Variants in ENOSF1 observed in about 807,000 individuals in gnomAD.
ENOSF1 encodes enolase superfamily member 1.
Under a neutral mutation model 68.2 loss-of-function variants are expected in ENOSF1, and 73 were observed. The observed-to-expected ratio is 1.07, with a 90% CI of 0.89 to 1.30. The LOEUF (loss-of-function observed/expected upper bound fraction) is 1.30. Among genes scored for constraint, ENOSF1 ranks in the 50% most tolerant of loss-of-function variants. The pLI, the probability that ENOSF1 is intolerant of heterozygous loss-of-function variation, is 0.00. For missense variants in ENOSF1, 589 were observed against 554.5 expected, an observed-to-expected ratio of 1.06 and a Z score of -0.62; for synonymous variants, 223 against 210.4, an observed-to-expected ratio of 1.06 and a Z score of -0.52.
At chr18:678,608 A>T in intron 12 of ENOSF1, 88 bp downstream of exon 12, 1 of 1,304,446 alleles carries the variant, frequency 7.7e-7, no homozygotes, top group Non-Finnish European at 1.1e-6. Context: ...CAGGTGATGG[A>T]GCCTAACACA....
intron 2 of ENOSF1, among the ~76,000 whole-genome samples, chr18:701,291 C>T (rs1018711288): frequency 1.3e-5 from 2 of 152,108 alleles, no homozygotes; most frequent in African/African-American, 2.4e-5. Flanking sequence ...TTTGGGTGAT[C>T]ATGATGTGCC....
intron 1 of ENOSF1, 140 bp from the exon 2 acceptor site, chr18:706,718 C>A: frequency 5.1e-6 from 3 of 589,756 alleles, no homozygotes; most frequent in Non-Finnish European, 9.1e-6. Context: ...TGTTGCTATA[C>A]CCCAAAGAAA....
At chr18:666,901 G>GGT (rs1169613721), downstream of ENOSF1, among the ~76,000 whole-genome samples, 7 of 40,788 alleles carry the variant, frequency 1.7e-4, no homozygotes, top group Admixed American at 2.2e-4. Context: ...AGATGGTGAT[G>GGT]GAGATGGTGA....
In ENOSF1 at chr18:694,314, C is replaced by T; in HGVS notation, c.330G>A (p.Val110=). 1 of 1,614,148 alleles carries T rather than the reference C, an allele frequency of 6.2e-7. No homozygotes were observed. The change falls in exon 4 of 16, where the codon GTG becomes GTA. Residue 110 remains valine (V), a synonymous_variant. Transcript: ENST00000647584. Reference sequence around the variant, plus strand: ...GGACGGCCGCTGTCGCCAGGTGCACCACGCCCTTTTCTGGACCAATCTGGT... The same window carrying T: ...GGACGGCCGCTGTCGCCAGGTGCACTACGCCCTTTTCTGGACCAATCTGGT... ...QLRWIGPEKG[V]VHLATAAVLN... is the part of the protein sequence containing the mutation.
intron 5 of ENOSF1, chr18:693,555 G>A: frequency 1.0e-6 from 1 of 985,352 alleles, no homozygotes; most frequent in South Asian, 4.7e-5. Flanking sequence ...TTAATTTTGT[G>A]AGGTTCCTAG....
downstream of ENOSF1, chr18:668,965 C>T (rs1213940383): frequency 3.3e-6 from 3 of 901,046 alleles, no homozygotes; most frequent in Non-Finnish European, 3.4e-6. Flanking sequence ...AGCCATGGGT[C>T]AAGGGGGGAC....
Position 671,456 on chromosome 18 carries a change from G to T in ENOSF1, c.*2849C>A. ...ATCGAGCCACTGAAAATTCAGGTAA[G>T]AATTAGATGTTATACTTTTGGGTTT... is the stretch of plus-strand genomic sequence containing the variant. On this transcript the variant is annotated 3_prime_UTR_variant, in exon 16 of 16. Transcript: ENST00000647584. 6.3e-7 allele frequency: 1 copy of T among 1,598,548 alleles called. No individual in the cohort carries two copies. Among genetic ancestry groups the T allele is most frequent in the African/African-American group, 1.3e-5 (1 of 74,674 alleles).
At chr18:678,282 C>A (rs2075718105) in intron 12 of ENOSF1, 2 of 289,988 alleles carry the variant, frequency 6.9e-6, no homozygotes, top group Non-Finnish European at 1.3e-5. Flanking sequence ...AGAATCAGCT[C>A]CTCACGCTGC....
In ENOSF1 at chr18:677,597, T is replaced by G. The variant is rs139980410; in HGVS notation, c.1048+146A>C. The G allele has an allele frequency of 9.3e-5, 122 of 1,305,034 alleles. No homozygotes were observed. In the African/African-American group the frequency reaches 1.7e-3, roughly 18 times the overall value. The allele number at this position is 1,305,034 out of a possible 1,614,324, so 80.8% of individuals were successfully genotyped here. On this transcript the variant is annotated intron_variant, in intron 13 of 15. Transcript: ENST00000647584. ...TTCCAAGATGAAAATCATCAAAAATTCCCGGATTAAAGCTAAATGAGAGTT... is the reference window on the plus strand; with the variant it reads ...TTCCAAGATGAAAATCATCAAAAATGCCCGGATTAAAGCTAAATGAGAGTT...
intron 3 of ENOSF1, among the ~76,000 whole-genome samples, chr18:695,245 T>C (rs1447370385): frequency 6.6e-6 from 1 of 152,226 alleles, no homozygotes; most frequent in Non-Finnish European, 1.5e-5. Context: ...CATTCCTCAA[T>C]CTGGGCTGAT....
At chr18:703,881 T>G (rs537262568) in intron 2 of ENOSF1, among the ~76,000 whole-genome samples, 1 of 152,264 alleles carries the variant, frequency 6.6e-6, no homozygotes, top group South Asian at 2.1e-4. Context: ...GTACTGTCTT[T>G]GAGATAGTGA....
intron 15 of ENOSF1, among the ~76,000 whole-genome samples, chr18:674,918 A>C (rs1303547335): frequency 6.6e-6 from 1 of 152,238 alleles, no homozygotes; most frequent in East Asian, 1.9e-4. Context: ...TTAACTCATC[A>C]AACTCTTTGA....
At chr18:689,701 C>T (rs193254881) in intron 8 of ENOSF1, among the ~76,000 whole-genome samples, 4 of 151,954 alleles carry the variant, frequency 2.6e-5, no homozygotes, top group African/African-American at 7.2e-5. Flanking sequence ...CGCTGCCCCC[C>T]TATTTCCTAA....
In ENOSF1 at chr18:692,978, T is replaced by C. The variant is rs2077355246; in HGVS notation, c.423+904A>G. 5 of 1,176,016 alleles carry C rather than the reference T, an allele frequency of 4.3e-6. No homozygotes were observed. In the Admixed American group the frequency reaches 1.8e-4, roughly 43 times the overall value. The allele number at this position is 1,176,016 out of a possible 1,614,324, so 72.8% of individuals were successfully genotyped here. A position where few individuals can be genotyped will look rare whatever the true frequency, so the allele number is the denominator to read the frequency against. On this transcript the variant is annotated intron_variant, in intron 5 of 15. Transcript: ENST00000647584. ...AACTAATAACAAGGGCCTTCATTTG[T>C]GGATCACGAGGTTTTTAACCGCCAC...
chr18:667,617 GGGTGAT>G (rs1555639873), downstream of ENOSF1: 4 of 46,618 alleles, frequency 8.6e-5, no homozygotes, highest in Admixed American at 3.2e-4. Flanking sequence ...TGATGGAGAT[GGGTGAT>G]GGTGATGGTT....
At chr18:664,648 G>A in the ENOSF1 span, among the ~76,000 whole-genome samples, 2 of 144,406 alleles carry the variant, frequency 1.4e-5, no homozygotes. Context: ...GATATTGGCT[G>A]TGGGTTTGTC....
At chr18:705,023 G>A (rs1002974438) in intron 2 of ENOSF1, among the ~76,000 whole-genome samples, 1 of 152,216 alleles carries the variant, frequency 6.6e-6, no homozygotes, top group Non-Finnish European at 1.5e-5. Flanking sequence ...AGTAACAGCA[G>A]CCACCTGGGC....
intron 2 of ENOSF1, among the ~76,000 whole-genome samples, chr18:698,965 T>C (rs1233457582): frequency 1.3e-5 from 2 of 152,052 alleles, no homozygotes; most frequent in Non-Finnish European, 2.9e-5. Flanking sequence ...AATCTTTTTG[T>C]CTCAGCCTCC....
intron 8 of ENOSF1, 28 bp from the exon 9 acceptor site, chr18:688,636 A>G: frequency 6.2e-7 from 1 of 1,604,602 alleles, no homozygotes; most frequent in East Asian, 2.2e-5. Flanking sequence ...AGGGTCACAC[A>G]CTGGAGAGAG....
Sources: allele counts gnomAD v4.1 joint callset (sites outside exome capture counted in the v4.1 genomes callset), GRCh38; gene constraint gnomAD v4.1.1; transcripts MANE v1.5; gene names NCBI Gene and HGNC (gene_info 2026-07-23, HGNC 2026-07-21).